SAMSN1: variants seen among roughly 807,000 people sequenced by gnomAD.
The protein encoded by SAMSN1 is SAM domain, SH3 domain and nuclear localization signals 1.
Under a neutral mutation model 42.0 loss-of-function variants are expected in SAMSN1, and 31 were observed. The observed-to-expected ratio is 0.74, with a 90% CI of 0.55 to 1.00. SAMSN1 has a LOEUF of 1.00. Ranked by LOEUF, SAMSN1 falls within the 50% of genes least tolerant of loss-of-function variation. SAMSN1 has a pLI of 0.00. For missense variants in SAMSN1, 464 were observed against 439.4 expected (o/e 1.06, Z -0.50); for synonymous variants, 178 against 151.9 (o/e 1.17, Z -1.26).
At chr21:14,570,132 C>G (rs911975032) in intron 2 of SAMSN1, among the ~76,000 whole-genome samples, 1 of 152,090 alleles carries the variant, frequency 6.6e-6, no homozygotes, top group Non-Finnish European at 1.5e-5. Flanking sequence ...GCGCAGGTAC[C>G]TCTGATTTCT....
chr21:14,581,305 T>A (rs1349935279), intron 2 of SAMSN1, among the ~76,000 whole-genome samples: 1 of 145,170 alleles, frequency 6.9e-6, no homozygotes, highest in Non-Finnish European at 1.5e-5. Flanking sequence ...TTTTTGTGCC[T>A]CCATTTTCTC....
chr21:14,569,218 C>A (rs1288470567), intron 2 of SAMSN1, among the ~76,000 whole-genome samples: 1 of 152,034 alleles, frequency 6.6e-6, no homozygotes, highest in African/African-American at 2.4e-5. Flanking sequence ...TGGCTTGAGC[C>A]CAGAAGATAG....
chr21:14,523,612 G>A (rs1978639628), intron 1 of SAMSN1, among the ~76,000 whole-genome samples: 2 of 152,156 alleles, frequency 1.3e-5, no homozygotes, highest in African/African-American at 4.8e-5. Context: ...TGAACACACA[G>A]AAATCTATTA....
rs1212453490 is a variant in SAMSN1 at position 14,498,478 on chromosome 21, A to G, written c.883T>C (p.Leu295=). ...NIENPDDRRR[L]LSAAENFLEE... ...AGGAAGTTTTCAGCAGCTGATAGTA[A>G]CCTTCTTCTGTCATCTGGGTTTTCA... The change falls in exon 7 of 8, where the codon TTA becomes CTA. Residue 295 remains leucine (L), a synonymous_variant. Transcript: ENST00000400566. The G allele has an allele frequency of 1.2e-6, 2 of 1,610,854 alleles. No individual in the cohort carries two copies. Among genetic ancestry groups the G allele is most frequent in the Non-Finnish European group, 1.7e-6 (2 of 1,179,168 alleles).
chr21:14,599,022 A>G lies in SAMSN1; in HGVS notation c.399+3001T>C, dbSNP rs141845037. Among the ~76,000 whole-genome samples, 235 of 152,320 alleles carry G rather than the reference A, an allele frequency of 1.5e-3. 1 individual carries two copies. Among genetic ancestry groups the G allele is most frequent in the Middle Eastern group, 0.01 (3 of 294 alleles). The stretch of plus-strand genomic sequence containing the variant: ...TTCCATGAGGCTGTTGTCTTCCAAG[A>G]CCATACCTAAGCCAAGTTTGGGTTT... On this transcript the variant is annotated intron_variant, in intron 6 of 15. Transcript: ENST00000647101.
At chr21:14,563,909 T>C (rs1171640069) in intron 2 of SAMSN1, among the ~76,000 whole-genome samples, 1 of 152,082 alleles carries the variant, frequency 6.6e-6, no homozygotes, top group Non-Finnish European at 1.5e-5. Flanking sequence ...AACAAGAATA[T>C]AGGTACAATT....
chr21:14,652,895 A>G (rs966190770), intron 1 of SAMSN1, among the ~76,000 whole-genome samples: 8 of 152,116 alleles, frequency 5.3e-5, no homozygotes, highest in Non-Finnish European at 1.0e-4. Flanking sequence ...AGACATTTCC[A>G]AAAGAGGACA....
intron 7 of SAMSN1, among the ~76,000 whole-genome samples, chr21:14,491,951 T>TTTTTAAAATTTTAACATAA (rs1986704716): frequency 6.6e-6 from 1 of 152,096 alleles, no homozygotes; most frequent in South Asian, 2.1e-4. Context: ...ATTTAACATA[T>TTTTTAAAATTTTAACATAA]TTTTAAAAAA....
chr21:14,593,799 C>T, intron 7 of SAMSN1: 1 of 358,224 alleles, frequency 2.8e-6, no homozygotes, highest in South Asian at 1.1e-4. Flanking sequence ...AACAACCTTT[C>T]CTTCTTTGAA....
At chr21:14,521,009 A>T (rs1978429300) in intron 2 of SAMSN1, 141 bp downstream of exon 2, 1 of 633,092 alleles carries the variant, frequency 1.6e-6, no homozygotes, top group South Asian at 2.1e-5. Flanking sequence ...TGGTTTGTTC[A>T]TTTATCACAA....
At chr21:14,538,856 T>TA (rs140473171) in intron 1 of SAMSN1, among the ~76,000 whole-genome samples, 1,856 of 151,838 alleles carry the variant, frequency 0.012, 49 homozygotes, top group African/African-American at 0.042. Flanking sequence ...AAAGAATGGT[T>TA]AAAAAAAAGG....
chr21:14,511,424 C>T (rs1330779501), intron 4 of SAMSN1, among the ~76,000 whole-genome samples: 1 of 152,168 alleles, frequency 6.6e-6, no homozygotes, highest in Admixed American at 6.5e-5. Context: ...AGTTTTTAAA[C>T]TTCCAGGAGA....
At chr21:14,654,789 G>A (rs1240137283) in intron 1 of SAMSN1, among the ~76,000 whole-genome samples, 1 of 151,894 alleles carries the variant, frequency 6.6e-6, no homozygotes, top group Non-Finnish European at 1.5e-5. Context: ...TTTAATTGGG[G>A]CATCAGGAAG....
intron 6 of SAMSN1, among the ~76,000 whole-genome samples, chr21:14,598,900 C>T (rs900666260): frequency 1.3e-5 from 2 of 152,196 alleles, no homozygotes; most frequent in Non-Finnish European, 2.9e-5. Context: ...GGATACTATT[C>T]ATTATTTTAA....
In SAMSN1 at chr21:14,560,229, A is replaced by C. The variant is rs75564767; in HGVS notation, c.261+21907T>G. Among the ~76,000 whole-genome samples the C allele has an allele frequency of 2.9e-3, 444 of 152,322 alleles. 1 individual carries two copies. The highest frequency in any genetic ancestry group is 9.8e-3 in the African/African-American group (409 of 41,580). ...ACATTTAGTGAAACAGGAATTTGTCAGGTGGACAAGAAAAATGGGGGGCAT... is the reference window on the plus strand; with the variant it reads ...ACATTTAGTGAAACAGGAATTTGTCCGGTGGACAAGAAAAATGGGGGGCAT... On this transcript the variant is annotated intron_variant, in intron 2 of 8. Coordinates refer to the SAMSN1 transcript ENST00000285670.
intron 1 of SAMSN1, among the ~76,000 whole-genome samples, chr21:14,648,651 C>G (rs1983767285): frequency 6.7e-6 from 1 of 150,352 alleles, no homozygotes; most frequent in African/African-American, 2.4e-5. Context: ...TTTATGCAGC[C>G]AAAAAACACA....
chr21:14,523,427 A>G (rs1978626185), intron 1 of SAMSN1: 1 of 152,360 alleles, frequency 6.6e-6, no homozygotes, highest in East Asian at 1.9e-4. Context: ...GAAAGCTGAA[A>G]CTGAGAACCA....
chr21:14,541,390 C>T (rs1273528153), intron 1 of SAMSN1, among the ~76,000 whole-genome samples: 1 of 151,724 alleles, frequency 6.6e-6, no homozygotes, highest in Non-Finnish European at 1.5e-5. Flanking sequence ...ATGTAGTAGA[C>T]CAAGGGTGTA....
intron 1 of SAMSN1, among the ~76,000 whole-genome samples, chr21:14,643,674 T>C (rs983118776): frequency 2.6e-5 from 4 of 151,984 alleles, no homozygotes; most frequent in African/African-American, 7.2e-5. Context: ...AGTTAACAAC[T>C]ATCTACACAG....
Sources: gnomAD v4.1 joint callset for allele counts (sites outside exome capture counted in the v4.1 genomes callset) on GRCh38, gnomAD v4.1.1 for gene constraint, MANE v1.5 for transcripts, NCBI Gene and HGNC (gene_info 2026-07-23, HGNC 2026-07-21) for gene names.